Variants in SLC10A7 observed in about 807,000 individuals in gnomAD.
The protein encoded by SLC10A7 is solute carrier family 10 member 7.
Under a neutral mutation model 43.2 loss-of-function variants are expected in SLC10A7, and 29 were observed. The observed-to-expected ratio is 0.67, with a 90% CI of 0.50 to 0.92. The LOEUF (loss-of-function observed/expected upper bound fraction) is 0.92, where lower values mean the gene tolerates loss of function less well. SLC10A7 is among the 40% of genes least tolerant of loss of function. SLC10A7 has a pLI of 0.00. For missense variants in SLC10A7, 295 were observed against 403.2 expected (o/e 0.73, Z 2.30); for synonymous variants, 152 against 144.8 (o/e 1.05, Z -0.35).
At chr4:146,410,162 AT>A (rs1223825638) in intron 5 of SLC10A7, among the ~76,000 whole-genome samples, 1 of 152,192 alleles carries the variant, frequency 6.6e-6, no homozygotes, top group African/African-American at 2.4e-5. Flanking sequence ...TAGAGGCCTA[AT>A]AAGTTAGATG....
At chr4:146,256,870 T>C in intron 11 of SLC10A7, 7 of 1,536,294 alleles carry the variant, frequency 4.6e-6, no homozygotes, top group Non-Finnish European at 6.1e-6. Context: ...CCAAATTTGA[T>C]GGATAGATAT....
chr4:146,412,360 T>C (rs1214680491), intron 5 of SLC10A7, among the ~76,000 whole-genome samples: 6 of 152,164 alleles, frequency 3.9e-5, no homozygotes, highest in Admixed American at 3.9e-4. Context: ...CAACATCTAC[T>C]TGCTCTGCAA....
intron 5 of SLC10A7, among the ~76,000 whole-genome samples, chr4:146,376,810 C>T (rs1737234453): frequency 6.6e-6 from 1 of 152,196 alleles, no homozygotes; most frequent in Non-Finnish European, 1.5e-5. Flanking sequence ...TCATTTATAA[C>T]CTGATGCGTC....
intron 5 of SLC10A7, among the ~76,000 whole-genome samples, chr4:146,361,385 A>G (rs10519801): frequency 0.022 from 3,321 of 152,312 alleles, 113 homozygotes; most frequent in African/African-American, 0.076. Context: ...GCTTCTAAAC[A>G]GATCATCAAG....
At chr4:146,493,839 T>C (rs1735665100) in intron 4 of SLC10A7, among the ~76,000 whole-genome samples, 1 of 152,250 alleles carries the variant, frequency 6.6e-6, no homozygotes, top group Non-Finnish European at 1.5e-5. Flanking sequence ...ATTAAATTTA[T>C]TTAAATACAA....
chr4:146,366,039 T>C (rs1193578581), intron 5 of SLC10A7, among the ~76,000 whole-genome samples: 1 of 152,188 alleles, frequency 6.6e-6, no homozygotes. Flanking sequence ...GAGAATCTAA[T>C]GCCTGATGAT....
At chr4:146,377,407 T>C (rs114846465) in intron 5 of SLC10A7, among the ~76,000 whole-genome samples, 1 of 152,128 alleles carries the variant, frequency 6.6e-6, no homozygotes, top group Non-Finnish European at 1.5e-5. Context: ...TAAAGGAGCA[T>C]TAATTGTAAC....
At chr4:146,391,190 C>G (rs1738401092) in intron 5 of SLC10A7, among the ~76,000 whole-genome samples, 1 of 152,156 alleles carries the variant, frequency 6.6e-6, no homozygotes, top group Non-Finnish European at 1.5e-5. Context: ...AAACAATCAG[C>G]AATTTTCTTT....
chr4:146,455,583 C>G (rs953317924), intron 4 of SLC10A7, among the ~76,000 whole-genome samples: 1 of 151,894 alleles, frequency 6.6e-6, no homozygotes, highest in Admixed American at 6.6e-5. Flanking sequence ...TTAGCAATAA[C>G]TCTCTCATCA....
At position 146,349,627 on chromosome 4, in the gene SLC10A7, G is replaced by A. The variant is rs138393142; in HGVS notation, c.436-23631C>T. On this transcript the variant is annotated intron_variant, in intron 5 of 11. Transcript: ENST00000335472. ...ATCAATCTAGGTGTTCATCAACAGT[G>A]GATTAGATAAAGAAAATGTGGTACT... Among the ~76,000 whole-genome samples the A allele has an allele frequency of 3.9e-3, 597 of 152,238 alleles. 2 individuals are homozygous for A. The highest frequency in any genetic ancestry group is 0.013 in the African/African-American group (547 of 41,534).
At chr4:146,454,619 G>C (rs532679989) in intron 4 of SLC10A7, among the ~76,000 whole-genome samples, 5 of 151,870 alleles carry the variant, frequency 3.3e-5, no homozygotes, top group South Asian at 4.2e-4. Context: ...TTTTTCCTTT[G>C]TGCTTCTCCT....
intron 2 of SLC10A7, among the ~76,000 whole-genome samples, chr4:146,516,333 A>C (rs1737955419): frequency 3.3e-5 from 5 of 151,694 alleles, no homozygotes. Flanking sequence ...CTTTACTTCC[A>C]AGAGAATCTC....
At chr4:146,480,828 G>A (rs1043931832) in intron 4 of SLC10A7, among the ~76,000 whole-genome samples, 1 of 151,966 alleles carries the variant, frequency 6.6e-6, no homozygotes, top group South Asian at 2.1e-4. Context: ...GAAGCTGCTA[G>A]GGATCTTTCT....
intron 2 of SLC10A7, chr4:146,515,176 G>A (rs190102025): frequency 1.4e-6 from 1 of 702,206 alleles, no homozygotes; most frequent in South Asian, 1.5e-5. Flanking sequence ...AAATCAAGTT[G>A]CTTTCTGGAT....
At chr4:146,392,658 T>C (rs1433064910) in intron 5 of SLC10A7, among the ~76,000 whole-genome samples, 2 of 152,158 alleles carry the variant, frequency 1.3e-5, no homozygotes, top group Admixed American at 6.5e-5. Flanking sequence ...ACCAATATTT[T>C]TCCCCAAAGG....
At chr4:146,398,521 A>G (rs1486269287) in intron 5 of SLC10A7, among the ~76,000 whole-genome samples, 1 of 152,202 alleles carries the variant, frequency 6.6e-6, no homozygotes. Flanking sequence ...AATATTTGTT[A>G]TAAGAAAAGT....
At chr4:146,426,542 AAAG>A (rs1729367226) in intron 5 of SLC10A7, among the ~76,000 whole-genome samples, 1 of 152,178 alleles carries the variant, frequency 6.6e-6, no homozygotes, top group African/African-American at 2.4e-5. Flanking sequence ...AAGTAAATAA[AAAG>A]AAGAAAAACT....
At chr4:146,295,676 C>T (rs1352068) in intron 7 of SLC10A7, among the ~76,000 whole-genome samples, 124,413 of 152,022 alleles carry the variant, frequency 0.82, 51,715 homozygotes, top group African/African-American at 0.95. Context: ...ATTGGAAGGC[C>T]ACAGAGGGAC....
chr4:146,454,729 T>G (rs2149920889), intron 4 of SLC10A7, among the ~76,000 whole-genome samples: 1 of 151,990 alleles, frequency 6.6e-6, no homozygotes, highest in East Asian at 1.9e-4. Context: ...GACTAAAAAT[T>G]GAATGAATTG....
Sources: allele counts gnomAD v4.1 joint callset (sites outside exome capture counted in the v4.1 genomes callset), GRCh38; gene constraint gnomAD v4.1.1; transcripts MANE v1.5; gene names NCBI Gene and HGNC (gene_info 2026-07-23, HGNC 2026-07-21).